Variants in PPP2R2B observed in about 807,000 individuals in gnomAD.
PPP2R2B encodes the protein serine/threonine-protein phosphatase 2A 55 kDa regulatory subunit B beta isoform.
PPP2R2B carries 5 observed loss-of-function variants against 46.0 expected under a neutral mutation model. The ratio of observed to expected loss-of-function variants is 0.11; its 90% CI spans 0.06 to 0.23. The LOEUF (loss-of-function observed/expected upper bound fraction) is 0.23. Ranked by LOEUF, PPP2R2B falls within the 10% of genes least tolerant of loss-of-function variation. The pLI is 1.00. For missense variants in PPP2R2B, 367 were observed against 575.0 expected (o/e 0.64, Z 3.70); for synonymous variants, 215 against 206.7 (o/e 1.04, Z -0.34).
chr5:146,799,541 T>C (rs1292226589), intron 2 of PPP2R2B, among the ~76,000 whole-genome samples: 1 of 152,168 alleles, frequency 6.6e-6, no homozygotes, highest in Non-Finnish European at 1.5e-5. Flanking sequence ...CAATCTAGCC[T>C]GAGACAACAC....
chr5:146,947,103 G>A (rs902383939), intron 1 of PPP2R2B, among the ~76,000 whole-genome samples: 3 of 152,112 alleles, frequency 2.0e-5, no homozygotes, highest in Non-Finnish European at 2.9e-5. Flanking sequence ...ATTACTAAAC[G>A]TTTAGGGAAA....
intron 1 of PPP2R2B, among the ~76,000 whole-genome samples, chr5:146,928,075 T>C (rs567026573): frequency 4.6e-5 from 7 of 152,270 alleles, no homozygotes; most frequent in Non-Finnish European, 1.0e-4. Flanking sequence ...GTATAATTCA[T>C]CGCACTATCT....
intron 2 of PPP2R2B, among the ~76,000 whole-genome samples, chr5:146,704,026 C>T (rs996264654): frequency 2.6e-5 from 4 of 152,138 alleles, no homozygotes; most frequent in Non-Finnish European, 4.4e-5. Context: ...GAGAATAAGC[C>T]GTGGCAGCTC....
At chr5:146,608,320 G>A (rs1772501116) in intron 7 of PPP2R2B, among the ~76,000 whole-genome samples, 1 of 152,094 alleles carries the variant, frequency 6.6e-6, no homozygotes, top group African/African-American at 2.4e-5. Flanking sequence ...CTCTCAGGAT[G>A]GTACATGGAA....
At chr5:146,955,963 G>A (rs968471691) in intron 1 of PPP2R2B, among the ~76,000 whole-genome samples, 5 of 151,554 alleles carry the variant, frequency 3.3e-5, no homozygotes, top group African/African-American at 4.9e-5. Flanking sequence ...AATTTTAATA[G>A]AGATGGGGTT....
intron 9 of PPP2R2B, among the ~76,000 whole-genome samples, chr5:146,592,569 C>A (rs1770763292): frequency 6.6e-6 from 1 of 152,206 alleles, no homozygotes; most frequent in Non-Finnish European, 1.5e-5. Flanking sequence ...GGCCGTTGGC[C>A]AGGTCTCCAC....
intron 5 of PPP2R2B, among the ~76,000 whole-genome samples, chr5:146,663,103 A>C (rs1327110100): frequency 6.6e-6 from 1 of 152,198 alleles, no homozygotes; most frequent in African/African-American, 2.4e-5. Flanking sequence ...CACTCATAAC[A>C]ATTTTATGAG....
At position 146,878,191 on chromosome 5, in the gene PPP2R2B, C is replaced by G. The variant is rs751234434; in HGVS notation, c.-120G>C. 24 of 1,588,206 alleles carry G rather than the reference C, an allele frequency of 1.5e-5. No homozygotes were observed. The highest frequency in any genetic ancestry group is 5.4e-5 in the Admixed American group (3 of 55,058). On this transcript the variant is annotated 5_prime_UTR_variant, in exon 2 of 10. Transcript: ENST00000394411. The surrounding 1 kb of genome is among the most constrained non-coding windows in gnomAD (Gnocchi z 4.5). ...GAGCCAGTGGGACTGCACCATGGTC[C>G]GAGCCTGAGGAGGAGACGGGGAGGC...
chr5:146,825,259 C>T (rs1289199740), intron 2 of PPP2R2B, among the ~76,000 whole-genome samples: 1 of 152,166 alleles, frequency 6.6e-6, no homozygotes, highest in Non-Finnish European at 1.5e-5. Flanking sequence ...GGGAAAGCAG[C>T]TGTTTCTCCT....
chr5:146,688,777 C>T (rs1778659140), intron 5 of PPP2R2B, among the ~76,000 whole-genome samples: 1 of 152,130 alleles, frequency 6.6e-6, no homozygotes, highest in African/African-American at 2.4e-5. Flanking sequence ...CCATAGGATG[C>T]CATGGACAGT....
chr5:146,652,435 C>G (rs1285691282), intron 5 of PPP2R2B, among the ~76,000 whole-genome samples: 2 of 152,230 alleles, frequency 1.3e-5, no homozygotes, highest in East Asian at 3.9e-4. Flanking sequence ...GCATCATATA[C>G]CTGTTCTTGT....
At chr5:146,696,143 G>A (rs1296961611) in intron 4 of PPP2R2B, among the ~76,000 whole-genome samples, 1 of 148,120 alleles carries the variant, frequency 6.8e-6, no homozygotes, top group East Asian at 2.0e-4. Flanking sequence ...TTGCTCTGTC[G>A]CCCAGGGTAG....
chr5:146,938,559 CA>C lies in PPP2R2B; in HGVS notation c.79+117105del, dbSNP rs1462052881. On this transcript the variant is annotated intron_variant, in intron 1 of 8. Transcript: ENST00000336640. ...AAAAGTTACATTGCATTTTAAAAAT[CA>C]GGTAATAAAGTATTTGTTATAAAAT... 1.8e-4 allele frequency among the ~76,000 whole-genome samples: 28 copies of C among 151,950 alleles called. No homozygotes were observed. The East Asian group carries it at 5.4e-3, about 29-fold the overall frequency.
chr5:147,049,995 T>C (rs2151901943), intron 1 of PPP2R2B, among the ~76,000 whole-genome samples: 1 of 152,242 alleles, frequency 6.6e-6, no homozygotes, highest in African/African-American at 2.4e-5. Flanking sequence ...AGCATGTGTG[T>C]GGACTGCAAA....
intron 2 of PPP2R2B, among the ~76,000 whole-genome samples, chr5:146,763,587 CAGTGAAAATAATTTATT>C (rs1344270678): frequency 6.6e-6 from 1 of 152,138 alleles, no homozygotes; most frequent in African/African-American, 2.4e-5. Context: ...AGACCAAATG[CAGTGAAAATAATTTATT>C]AGCCACAGAA....
chr5:146,591,673 CAAAA>C (rs375880724), intron 9 of PPP2R2B, among the ~76,000 whole-genome samples: 1 of 72,584 alleles, frequency 1.4e-5, no homozygotes. Context: ...GATTATTTTC[CAAAA>C]AAAAAAAAAA....
intron 2 of PPP2R2B, among the ~76,000 whole-genome samples, chr5:146,853,379 A>C (rs180708492): frequency 2.6e-5 from 4 of 152,292 alleles, no homozygotes; most frequent in Admixed American, 2.0e-4. Flanking sequence ...GCTCATCTCT[A>C]TATCAGCTTA....
chr5:146,635,908 A>C (rs528506522), intron 7 of PPP2R2B, among the ~76,000 whole-genome samples: 1 of 152,356 alleles, frequency 6.6e-6, no homozygotes, highest in Admixed American at 6.5e-5. Flanking sequence ...ATGACATTGA[A>C]CAATTCATAT....
At chr5:146,634,377 A>G (rs446636) in intron 7 of PPP2R2B, among the ~76,000 whole-genome samples, 19,547 of 151,894 alleles carry the variant, frequency 0.13, 2,422 homozygotes, top group African/African-American at 0.31. Context: ...CTCTGTCGCC[A>G]AGGCTGGGGT....
Sources: gnomAD v4.1 joint callset for allele counts (sites outside exome capture counted in the v4.1 genomes callset) on GRCh38, gnomAD v4.1.1 for gene constraint, Gnocchi (gnomAD v3.1) non-coding constraint, MANE v1.5 for transcripts, NCBI Gene and HGNC (gene_info 2026-07-23, HGNC 2026-07-21) for gene names.